Variants in RBFOX1 observed in about 807,000 individuals in gnomAD.
RBFOX1 encodes the protein RNA binding protein fox-1 homolog 1.
RBFOX1 carries 8 observed loss-of-function variants against 57.7 expected under a neutral mutation model. That is an observed-to-expected ratio of 0.14 (90% CI 0.08 to 0.25). The LOEUF is 0.25. Among genes scored for constraint, RBFOX1 ranks in the 10% least tolerant of loss-of-function variants. The pLI is 1.00. For missense variants in RBFOX1, 611 were observed against 548.5 expected, an observed-to-expected ratio of 1.11 and a Z score of -1.14; for synonymous variants, 326 against 222.4, an observed-to-expected ratio of 1.47 and a Z score of -4.15.
chr16:6,344,244 T>A (rs2084977839), intron 2 of RBFOX1, among the ~76,000 whole-genome samples: 1 of 151,474 alleles, frequency 6.6e-6, no homozygotes, highest in Non-Finnish European at 1.5e-5. Flanking sequence ...AGACACGGGG[T>A]TTCACCATGT....
intron 14 of RBFOX1, among the ~76,000 whole-genome samples, chr16:7,706,787 T>C (rs1350625155): frequency 6.6e-6 from 1 of 152,166 alleles, no homozygotes; most frequent in Non-Finnish European, 1.5e-5. Flanking sequence ...CTTCATTCCC[T>C]CATGAAATAA....
At chr16:7,120,015 TGA>T (rs2151777728) in intron 4 of RBFOX1, among the ~76,000 whole-genome samples, 1 of 147,872 alleles carries the variant, frequency 6.8e-6, no homozygotes, top group South Asian at 2.2e-4. Flanking sequence ...CTGACAAAAT[TGA>T]GTTAAGCTGG....
chr16:5,737,407 A>G (rs1354853112), intron 3 of RBFOX1, among the ~76,000 whole-genome samples: 1 of 152,038 alleles, frequency 6.6e-6, no homozygotes, highest in East Asian at 1.9e-4. Flanking sequence ...AATCTCTTGA[A>G]CCTAGGAGGT....
intron 14 of RBFOX1, among the ~76,000 whole-genome samples, chr16:7,708,095 C>G (rs966074915): frequency 5.9e-5 from 9 of 152,124 alleles, no homozygotes; most frequent in African/African-American, 2.2e-4. Flanking sequence ...AATCCTAACA[C>G]TGAGAGGCTG....
chr16:7,454,828 C>T (rs1362928856), intron 4 of RBFOX1, among the ~76,000 whole-genome samples: 1 of 152,164 alleles, frequency 6.6e-6, no homozygotes, highest in Non-Finnish European at 1.5e-5. Context: ...TGGGGAAGTC[C>T]TCAGGACAAG....
At chr16:6,637,830 T>C (rs2098457996) in intron 2 of RBFOX1, among the ~76,000 whole-genome samples, 1 of 152,038 alleles carries the variant, frequency 6.6e-6, no homozygotes, top group South Asian at 2.1e-4. Context: ...GGAGGTCCTT[T>C]CTGCACTGGA....
intron 3 of RBFOX1, among the ~76,000 whole-genome samples, chr16:5,762,849 T>C (rs372757366): frequency 1.3e-5 from 2 of 152,226 alleles, no homozygotes; most frequent in East Asian, 3.8e-4. Context: ...AAATGGCATA[T>C]TGCATGGCTT....
intron 3 of RBFOX1, among the ~76,000 whole-genome samples, chr16:6,987,565 A>G (rs1284556700): frequency 6.6e-6 from 1 of 152,038 alleles, no homozygotes. Context: ...ATACATAAGC[A>G]TAGGTGGGCA....
chr16:5,706,002 C>T (rs1320318967), intron 3 of RBFOX1, among the ~76,000 whole-genome samples: 2 of 152,120 alleles, frequency 1.3e-5, no homozygotes, highest in Non-Finnish European at 2.9e-5. Flanking sequence ...CCTCTGCCTC[C>T]CAGGTTCAAG....
chr16:5,739,639 A>T (rs1213368942), intron 3 of RBFOX1, among the ~76,000 whole-genome samples: 1 of 152,236 alleles, frequency 6.6e-6, no homozygotes, highest in Non-Finnish European at 1.5e-5. Flanking sequence ...GGATGTTTAA[A>T]AAAACTTACG....
intron 4 of RBFOX1, among the ~76,000 whole-genome samples, chr16:7,260,526 C>T (rs1349220422): frequency 1.3e-5 from 2 of 152,072 alleles, no homozygotes. Context: ...CTTCTAGTCT[C>T]CCTGGACCTC....
At chr16:7,508,701 G>A (rs187844635) in intron 4 of RBFOX1, among the ~76,000 whole-genome samples, 11 of 152,138 alleles carry the variant, frequency 7.2e-5, no homozygotes, top group South Asian at 2.1e-4. Context: ...GAAAAACCTC[G>A]CCCAGGGGCC....
At chr16:5,386,403 C>G (rs888818490) in intron 1 of RBFOX1, among the ~76,000 whole-genome samples, 1 of 152,042 alleles carries the variant, frequency 6.6e-6, no homozygotes, top group African/African-American at 2.4e-5. Context: ...TGCACGTGGC[C>G]CATCCTCACT....
chr16:7,419,288 T>A (rs1453892565), intron 4 of RBFOX1, among the ~76,000 whole-genome samples: 1 of 152,132 alleles, frequency 6.6e-6, no homozygotes, highest in Middle Eastern at 3.2e-3. Context: ...TTGTTCCTCT[T>A]CAATCATTGC....
In RBFOX1 at chr16:6,844,279, G is replaced by A. The variant is rs1302063151; in HGVS notation, c.-16+189629G>A. Reference sequence around the variant, plus strand: ...AGGTAAATAGGTACCATGGCAGTTTGCTGCACAGGTCATCCCATCACCTAG... The same window carrying A: ...AGGTAAATAGGTACCATGGCAGTTTACTGCACAGGTCATCCCATCACCTAG... On this transcript the variant is annotated intron_variant, in intron 3 of 15. Coordinates refer to ENST00000550418, the MANE Select transcript of RBFOX1 (RefSeq NM_018723.4). Among the ~76,000 whole-genome samples, 5 of 151,944 alleles carry A rather than the reference G, an allele frequency of 3.3e-5. No individual in the cohort carries two copies. The South Asian group carries it at 1.0e-3, about 32-fold the overall frequency.
chr16:6,966,768 TATCTATCTATCTATC>T (rs2084278837), intron 3 of RBFOX1, among the ~76,000 whole-genome samples: 4 of 21,562 alleles, frequency 1.9e-4, no homozygotes, highest in Admixed American at 8.1e-4. Flanking sequence ...TCTGTCTATC[TATCTATCTATCTATC>T]TATCTATCTG....
chr16:6,546,295 C>T (rs1297791498), intron 2 of RBFOX1, among the ~76,000 whole-genome samples: 2 of 152,160 alleles, frequency 1.3e-5, no homozygotes, highest in African/African-American at 4.8e-5. Context: ...GTAAGCTCTT[C>T]CTTGCCTAAT....
At chr16:6,000,562 A>G (rs984515212) in intron 4 of RBFOX1, among the ~76,000 whole-genome samples, 54 of 152,268 alleles carry the variant, frequency 3.5e-4, no homozygotes, top group Non-Finnish European at 6.5e-4. Context: ...TTTGCTGAAT[A>G]TTGTATAACT....
At chr16:6,455,156 G>A (rs374579882) in intron 2 of RBFOX1, among the ~76,000 whole-genome samples, 135 of 151,744 alleles carry the variant, frequency 8.9e-4, no homozygotes, top group African/African-American at 3.1e-3. Context: ...GCCTCCCAAA[G>A]TGCTGGGATT....
Sources: gnomAD v4.1 joint callset for allele counts (sites outside exome capture counted in the v4.1 genomes callset) on GRCh38, gnomAD v4.1.1 for gene constraint, MANE v1.5 for transcripts, NCBI Gene and HGNC (gene_info 2026-07-23, HGNC 2026-07-21) for gene names.